ROR2: variants seen among roughly 807,000 people sequenced by gnomAD.
ROR2 encodes the protein tyrosine-protein kinase transmembrane receptor ROR2.
A neutral mutation model predicts 74.9 loss-of-function variants in ROR2; 33 were observed. The ratio of observed to expected loss-of-function variants is 0.44; its 90% CI spans 0.33 to 0.59. ROR2 has a LOEUF of 0.59. Among genes scored for constraint, ROR2 ranks in the 20% least tolerant of loss-of-function variants. The probability of loss-of-function intolerance (pLI) is 0.02; values close to 1 mark genes in which losing one functional copy is unlikely to be tolerated. For synonymous variants in ROR2, 586 were observed against 558.7 expected, an observed-to-expected ratio of 1.05 and a Z score of -0.69; for missense variants, 1,216 against 1,313.8, an observed-to-expected ratio of 0.93 and a Z score of 1.15.
intron 2 of ROR2, among the ~76,000 whole-genome samples, chr9:91,762,876 T>G (rs1034699099): frequency 6.6e-6 from 1 of 152,316 alleles, no homozygotes; most frequent in Non-Finnish European, 1.5e-5. Flanking sequence ...ATTGCTATTG[T>G]AACATTTAAT....
intron 2 of ROR2, among the ~76,000 whole-genome samples, chr9:91,773,968 G>T (rs1056226763): frequency 2.6e-5 from 4 of 152,170 alleles, no homozygotes; most frequent in Non-Finnish European, 4.4e-5. Context: ...CCCCAGACCT[G>T]TAAAATCCAC....
chr9:91,944,007 C>T (rs188999279), intron 1 of ROR2, among the ~76,000 whole-genome samples: 102 of 152,324 alleles, frequency 6.7e-4, no homozygotes, highest in Middle Eastern at 3.4e-3. Flanking sequence ...TGCCCATTTT[C>T]ACCTCTTCTA....
intron 1 of ROR2, among the ~76,000 whole-genome samples, chr9:91,884,497 C>T (rs1027819141): frequency 3.3e-5 from 5 of 150,188 alleles, no homozygotes; most frequent in Admixed American, 6.6e-5. Flanking sequence ...AAAAGGCTTG[C>T]GGGGGGCCTT....
intron 1 of ROR2, among the ~76,000 whole-genome samples, chr9:91,827,072 T>G (rs1456486449): frequency 6.6e-6 from 1 of 152,138 alleles, no homozygotes; most frequent in Non-Finnish European, 1.5e-5. Flanking sequence ...ATAGTTCACT[T>G]TTTGTTACAC....
At chr9:91,859,363 C>T (rs78351804) in intron 1 of ROR2, among the ~76,000 whole-genome samples, 17,725 of 151,874 alleles carry the variant, frequency 0.12, 2,259 homozygotes, top group African/African-American at 0.32. Context: ...CCATGCTTTG[C>T]TAATTTTGTA....
chr9:91,757,400 C>A lies in ROR2; in HGVS notation c.335G>T (p.Arg112Leu). The change falls in exon 3 of 9, where the codon CGG becomes CTG. Residue 112 changes from arginine to leucine, a missense_variant. Physicochemically the swap from Arg to Leu is moderately radical, Grantham distance 102. Coordinates refer to ENST00000375708, the MANE Select transcript of ROR2 (RefSeq NM_004560.4). ...VVQEPRRIII[R>L]KTEYGSRLRI... ...CAGTCGTGAACCATATTCTGTCTTCCGGATGATGATCCGCCGCGGCTCCTG... is the reference window on the plus strand; with the variant it reads ...CAGTCGTGAACCATATTCTGTCTTCAGGATGATGATCCGCCGCGGCTCCTG... The A allele has an allele frequency of 6.2e-7, 1 of 1,613,878 alleles. No individual in the cohort carries two copies. Among genetic ancestry groups the A allele is most frequent in the Non-Finnish European group, 8.5e-7 (1 of 1,179,984 alleles).
intron 1 of ROR2, among the ~76,000 whole-genome samples, chr9:91,845,584 T>C (rs1828904123): frequency 6.6e-6 from 1 of 151,928 alleles, no homozygotes; most frequent in African/African-American, 2.4e-5. Flanking sequence ...AATCTACATA[T>C]AATAACACAC....
chr9:91,907,606 A>G (rs145233245), intron 1 of ROR2, among the ~76,000 whole-genome samples: 124 of 152,312 alleles, frequency 8.1e-4, no homozygotes, highest in African/African-American at 2.9e-3. Flanking sequence ...CTGAGCAGCT[A>G]CAGGAAGGGC....
At chr9:91,751,182 CA>C (rs1309424422) in intron 4 of ROR2, among the ~76,000 whole-genome samples, 11 of 151,996 alleles carry the variant, frequency 7.2e-5, no homozygotes, top group Non-Finnish European at 1.3e-4. Flanking sequence ...GGGTCCCTAT[CA>C]GTGAAAAGAA....
intron 6 of ROR2, among the ~76,000 whole-genome samples, chr9:91,732,375 G>A (rs1303682122): frequency 6.6e-6 from 1 of 152,184 alleles, no homozygotes; most frequent in Non-Finnish European, 1.5e-5. Context: ...AGGGGCTGCT[G>A]CCAGCAAGAG....
At chr9:91,834,634 C>T (rs1828561180) in intron 1 of ROR2, among the ~76,000 whole-genome samples, 1 of 152,168 alleles carries the variant, frequency 6.6e-6, no homozygotes, top group South Asian at 2.1e-4. Context: ...GAGAAAGGGA[C>T]CCATCTATCA....
intron 1 of ROR2, chr9:91,948,570 C>G: frequency 1.0e-6 from 1 of 985,436 alleles, no homozygotes; most frequent in Non-Finnish European, 1.2e-6. Context: ...AAAACCCCCC[C>G]CCAGGAAAGA....
chr9:91,786,031 G>C (rs528714225), intron 1 of ROR2, among the ~76,000 whole-genome samples: 1 of 152,110 alleles, frequency 6.6e-6, no homozygotes, highest in Admixed American at 6.6e-5. Flanking sequence ...AGTGAAAGAA[G>C]CCAGACTCAA....
intron 2 of ROR2, among the ~76,000 whole-genome samples, chr9:91,766,829 T>C (rs1007259205): frequency 1.3e-5 from 2 of 152,192 alleles, no homozygotes; most frequent in African/African-American, 4.8e-5. Context: ...TCACACTCCA[T>C]AGCGTTACAC....
intron 1 of ROR2, among the ~76,000 whole-genome samples, chr9:91,839,858 T>C (rs1372657954): frequency 1.3e-5 from 2 of 152,036 alleles, no homozygotes; most frequent in African/African-American, 4.8e-5. Flanking sequence ...ATCTGTTTAA[T>C]ACAATTCCCC....
At chr9:91,912,650 A>G (rs1406742197) in intron 1 of ROR2, among the ~76,000 whole-genome samples, 2 of 152,236 alleles carry the variant, frequency 1.3e-5, no homozygotes, top group Admixed American at 6.5e-5. Flanking sequence ...GTGTTTTGGG[A>G]AAAAAATTAA....
At chr9:91,780,064 A>G (rs1309241345) in intron 1 of ROR2, among the ~76,000 whole-genome samples, 2 of 152,212 alleles carry the variant, frequency 1.3e-5, no homozygotes, top group Non-Finnish European at 2.9e-5. Flanking sequence ...TCAGGCCTGC[A>G]ATAGCTGGAG....
chr9:91,873,325 T>C (rs542162194), intron 1 of ROR2, among the ~76,000 whole-genome samples: 204 of 152,340 alleles, frequency 1.3e-3, no homozygotes, highest in African/African-American at 4.7e-3. Flanking sequence ...CTCACGCCTG[T>C]AATCCCAGCA....
At chr9:91,827,423 A>AATAG (rs1828329907) in intron 1 of ROR2, among the ~76,000 whole-genome samples, 1 of 152,190 alleles carries the variant, frequency 6.6e-6, no homozygotes, top group Non-Finnish European at 1.5e-5. Flanking sequence ...TAAATAAATA[A>AATAG]ATAAACATTT....
Sources: gnomAD v4.1 joint callset for allele counts (sites outside exome capture counted in the v4.1 genomes callset) on GRCh38, gnomAD v4.1.1 for gene constraint, MANE v1.5 for transcripts, NCBI Gene and HGNC (gene_info 2026-07-23, HGNC 2026-07-21) for gene names.